Variants in DZIP3 observed in about 807,000 individuals in gnomAD.
DZIP3 encodes the protein E3 ubiquitin-protein ligase DZIP3.
A neutral mutation model predicts 162.0 loss-of-function variants in DZIP3; 118 were observed. The observed-to-expected ratio is 0.73, with a 90% CI of 0.63 to 0.85. The LOEUF (loss-of-function observed/expected upper bound fraction) is 0.85. Among genes scored for constraint, DZIP3 ranks in the 40% least tolerant of loss-of-function variants. The probability of loss-of-function intolerance (pLI) is 0.00; values close to 1 mark genes in which losing one functional copy is unlikely to be tolerated. For synonymous variants in DZIP3, 438 were observed against 458.6 expected, an observed-to-expected ratio of 0.96 and a Z score of 0.57; for missense variants, 1,331 against 1,407.0, an observed-to-expected ratio of 0.95 and a Z score of 0.86.
intron 12 of DZIP3, among the ~76,000 whole-genome samples, chr3:108,638,316 T>TG (rs1942248260): frequency 1.8e-5 from 1 of 54,658 alleles, no homozygotes; most frequent in African/African-American, 7.1e-5. Flanking sequence ...AATTTAGGTT[T>TG]TTTTGTTTGT....
intron 5 of DZIP3, among the ~76,000 whole-genome samples, chr3:108,620,564 A>G (rs1213883482): frequency 6.6e-6 from 1 of 152,176 alleles, no homozygotes; most frequent in Non-Finnish European, 1.5e-5. Context: ...CAATCAAGAT[A>G]AAAGAACTAT....
At chr3:108,609,787 G>A (rs1287676069) in intron 3 of DZIP3, among the ~76,000 whole-genome samples, 3 of 152,202 alleles carry the variant, frequency 2.0e-5, no homozygotes, top group African/African-American at 7.2e-5. Context: ...GCTGCAGTGA[G>A]CCGTGTTCAT....
chr3:108,595,828 A>T (rs1385385366), intron 1 of DZIP3, among the ~76,000 whole-genome samples: 1 of 152,228 alleles, frequency 6.6e-6, no homozygotes, highest in Non-Finnish European at 1.5e-5. Context: ...TATGGGAATT[A>T]TACCGGGGTG....
chr3:108,686,343 T>G, intron 27 of DZIP3, 102 bp from the exon 28 acceptor site: 1 of 1,102,998 alleles, frequency 9.1e-7, no homozygotes, highest in Non-Finnish European at 1.2e-6. Context: ...AAATTGAATG[T>G]GTATGCCAGT....
intron 3 of DZIP3, among the ~76,000 whole-genome samples, chr3:108,609,218 TG>T (rs1940562467): frequency 1.3e-5 from 2 of 152,056 alleles, no homozygotes; most frequent in Non-Finnish European, 2.9e-5. Flanking sequence ...TGCAGGAACA[TG>T]GGTAGGAAAG....
intron 2 of DZIP3, among the ~76,000 whole-genome samples, chr3:108,607,171 G>A (rs79941932): frequency 0.014 from 2,153 of 152,180 alleles, 55 homozygotes; most frequent in African/African-American, 0.048. Flanking sequence ...TGAAATGTTG[G>A]CATGTGTATA....
chr3:108,599,401 T>TA (rs1418939483), intron 1 of DZIP3, among the ~76,000 whole-genome samples: 3 of 152,170 alleles, frequency 2.0e-5, no homozygotes, highest in Admixed American at 6.5e-5. Flanking sequence ...TTAAACAAAT[T>TA]AAAAAATGGA....
intron 7 of DZIP3, among the ~76,000 whole-genome samples, chr3:108,626,349 G>A (rs1173653673): frequency 6.6e-6 from 1 of 152,076 alleles, no homozygotes; most frequent in Non-Finnish European, 1.5e-5. Flanking sequence ...TTTTGCAGGT[G>A]ATTAACATTG....
intron 1 of DZIP3, 139 bp from the exon 2 acceptor site, chr3:108,605,196 G>C: frequency 3.3e-6 from 2 of 614,548 alleles, no homozygotes; most frequent in Non-Finnish European, 2.8e-6. Context: ...TAGTGATTAT[G>C]TTTGGGTGGC....
Position 108,636,678 on chromosome 3 carries a change from A to T in DZIP3, c.981A>T (p.Gln327His). ...GCTGDMVRML[Q>H]CDVPGIVKIL... is the part of the protein sequence containing the mutation. ...CAGGTGACATGGTAAGGATGCTGCAATGTGATGTACCTGGAATTGTTAAAA... is the reference window on the plus strand; with the variant it reads ...CAGGTGACATGGTAAGGATGCTGCATTGTGATGTACCTGGAATTGTTAAAA... The change falls in exon 11 of 33, where the codon CAA (glutamine) becomes CAT (histidine). Residue 327 changes from glutamine (Q) to histidine (H), a missense_variant. Gln to His is a conservative substitution (Grantham distance 24). This residue lies in a region of DZIP3 where 1,278 missense variants were observed against 1,317.1 expected (regional missense o/e 0.97). Coordinates refer to ENST00000361582, the MANE Select transcript of DZIP3 (RefSeq NM_014648.4). The T allele has an allele frequency of 6.3e-7, 1 of 1,587,986 alleles. No homozygotes were observed. The highest frequency in any genetic ancestry group is 1.4e-5 in the African/African-American group (1 of 72,954).
chr3:108,595,986 T>C (rs1254783030), intron 1 of DZIP3, among the ~76,000 whole-genome samples: 1 of 152,190 alleles, frequency 6.6e-6, no homozygotes, highest in Non-Finnish European at 1.5e-5. Context: ...ATGGAGGATA[T>C]AGACAATAAG....
chr3:108,644,473 A>T lies in DZIP3; in HGVS notation c.1451A>T (p.Lys484Ile). 3 of 1,614,050 alleles carry T rather than the reference A, an allele frequency of 1.9e-6. 1 individual carries two copies. In the South Asian group the frequency reaches 3.3e-5, roughly 18 times the overall value. Residue 484 changes from lysine to isoleucine, a missense_variant, in exon 14 of 33, where the codon AAA becomes ATA. Around this residue, in one of 2 missense-constraint regions of DZIP3, gnomAD observed 1,278 missense variants for 1,317.1 expected, o/e 0.97. Coordinates refer to ENST00000361582, the MANE Select transcript of DZIP3 (RefSeq NM_014648.4). Reference sequence around the variant, plus strand: ...CATTTAAATGTGTTCCCTGCACCCAAAAAAGGATGGAATATGGAACCGCCA... The same window carrying T: ...CATTTAAATGTGTTCCCTGCACCCATAAAAGGATGGAATATGGAACCGCCA... The part of the protein sequence containing the change: ...IKHLNVFPAP[K>I]KGWNMEPPSS...
At chr3:108,649,700 G>A (rs1180242070) in intron 17 of DZIP3, among the ~76,000 whole-genome samples, 2 of 151,744 alleles carry the variant, frequency 1.3e-5, no homozygotes, top group African/African-American at 4.8e-5. Flanking sequence ...CATGTTGTTA[G>A]TCATTTGAAA....
chr3:108,623,698 A>T (rs1941470774), intron 5 of DZIP3, among the ~76,000 whole-genome samples: 1 of 152,218 alleles, frequency 6.6e-6, no homozygotes, highest in Non-Finnish European at 1.5e-5. Context: ...AGCCCAGCAC[A>T]GCACCAGGAC....
intron 24 of DZIP3, among the ~76,000 whole-genome samples, chr3:108,675,094 G>A (rs1468804314): frequency 2.0e-5 from 3 of 152,042 alleles, no homozygotes; most frequent in Middle Eastern, 3.4e-3. Flanking sequence ...TTGTTGGGCT[G>A]GGTGATACTG....
At chr3:108,691,599 A>G (rs540909748) in intron 32 of DZIP3, among the ~76,000 whole-genome samples, 14 of 152,226 alleles carry the variant, frequency 9.2e-5, no homozygotes, top group African/African-American at 3.4e-4. Context: ...TGAGGGTCTT[A>G]TGACCTGCTT....
At chr3:108,596,812 A>G (rs909600070) in intron 1 of DZIP3, among the ~76,000 whole-genome samples, 6 of 152,184 alleles carry the variant, frequency 3.9e-5, no homozygotes, top group African/African-American at 1.4e-4. Flanking sequence ...TGGGGCTTAT[A>G]TTCTAGTGGG....
At chr3:108,616,386 A>G (rs901615633) in intron 4 of DZIP3, among the ~76,000 whole-genome samples, 155 bp from the exon 5 acceptor site, 2 of 150,142 alleles carry the variant, frequency 1.3e-5, no homozygotes, top group African/African-American at 4.9e-5. Context: ...ATATGAGAAC[A>G]GTGTATCTGG....
At chr3:108,630,627 A>T (rs1576384963) in intron 8 of DZIP3, among the ~76,000 whole-genome samples, 1 of 152,196 alleles carries the variant, frequency 6.6e-6, no homozygotes, top group Non-Finnish European at 1.5e-5. Context: ...TATGCATTTT[A>T]AAAATACTAA....
Sources: gnomAD v4.1 joint callset for allele counts (sites outside exome capture counted in the v4.1 genomes callset) on GRCh38, gnomAD v4.1.1 for gene constraint, gnomAD v4.1.1 regional missense constraint, MANE v1.5 for transcripts, NCBI Gene and HGNC (gene_info 2026-07-23, HGNC 2026-07-21) for gene names.